The following SAMD5 variants were observed in gnomAD, a reference collection of about 807,000 sequenced individuals.
SAMD5 encodes sterile alpha motif domain containing 5.
A neutral mutation model predicts 11.3 loss-of-function variants in SAMD5; 13 were observed. That is an observed-to-expected ratio of 1.15 (90% CI 0.75 to 1.83). The LOEUF is 1.83. Ranked by LOEUF, SAMD5 falls within the 40% of genes most tolerant of loss-of-function variation. The pLI is 0.00. For synonymous variants in SAMD5, 129 were observed against 111.3 expected, an observed-to-expected ratio of 1.16 and a Z score of -1.00; for missense variants, 255 against 239.1, an observed-to-expected ratio of 1.07 and a Z score of -0.44.
chr6:147,699,430 G>T (rs1222394462), intron 1 of SAMD5, among the ~76,000 whole-genome samples: 1 of 152,146 alleles, frequency 6.6e-6, no homozygotes, highest in Admixed American at 6.6e-5. Flanking sequence ...TTTACAAGTT[G>T]TTTAAGAATT....
chr6:147,922,497 A>G, the SAMD5 span, among the ~76,000 whole-genome samples: 1,995 of 152,284 alleles, frequency 0.013, 40 homozygotes, highest in African/African-American at 0.045. Context: ...GCTAAAAATC[A>G]AAAAGAATAT....
intron 1 of SAMD5, among the ~76,000 whole-genome samples, chr6:147,530,321 G>T (rs1248528340): frequency 6.6e-6 from 1 of 152,248 alleles, no homozygotes; most frequent in Non-Finnish European, 1.5e-5. Context: ...GTGCACACAA[G>T]CACTGCCCAT....
At chr6:147,877,274 T>C in the SAMD5 span, among the ~76,000 whole-genome samples, 4 of 152,284 alleles carry the variant, frequency 2.6e-5, no homozygotes, top group South Asian at 6.2e-4. Flanking sequence ...TTAAGATCTA[T>C]GAAAACTTAA....
chr6:147,864,628 T>C, the SAMD5 span, among the ~76,000 whole-genome samples: 1 of 152,240 alleles, frequency 6.6e-6, no homozygotes, highest in East Asian at 1.9e-4. Flanking sequence ...AATCCTGTGA[T>C]AGACGAGAAC....
intron 1 of SAMD5, among the ~76,000 whole-genome samples, chr6:147,563,824 A>G (rs1052854784): frequency 3.9e-5 from 6 of 152,260 alleles, no homozygotes; most frequent in African/African-American, 1.2e-4. Context: ...ACGTGCAACT[A>G]TGGTTTTTAC....
the SAMD5 span, among the ~76,000 whole-genome samples, chr6:147,921,989 C>T: frequency 3.3e-5 from 5 of 152,128 alleles, no homozygotes; most frequent in South Asian, 4.1e-4. Context: ...CTGGAACACA[C>T]GATGGAAAAC....
chr6:147,687,181 T>A (rs1213351570), intron 1 of SAMD5, among the ~76,000 whole-genome samples: 1 of 152,020 alleles, frequency 6.6e-6, no homozygotes, highest in Non-Finnish European at 1.5e-5. Flanking sequence ...ACAATCAGTA[T>A]TCATTTAGAT....
At chr6:147,651,877 G>C (rs190755459) in intron 1 of SAMD5, among the ~76,000 whole-genome samples, 6 of 152,300 alleles carry the variant, frequency 3.9e-5, no homozygotes. Flanking sequence ...GGCAGCTGAA[G>C]ACCAGAGTGA....
chr6:147,902,813 T>C, the SAMD5 span, among the ~76,000 whole-genome samples: 1 of 152,204 alleles, frequency 6.6e-6, no homozygotes, highest in Non-Finnish European at 1.5e-5. Context: ...TAAAAAGCAA[T>C]TTCCTGCAGC....
chr6:147,902,609 T>C, the SAMD5 span, among the ~76,000 whole-genome samples: 1 of 152,236 alleles, frequency 6.6e-6, no homozygotes, highest in Non-Finnish European at 1.5e-5. Flanking sequence ...TAGTTACTTC[T>C]GCGATTAATG....
chr6:147,663,405 C>T (rs1171841802), intron 1 of SAMD5, among the ~76,000 whole-genome samples: 1 of 152,090 alleles, frequency 6.6e-6, no homozygotes, highest in Admixed American at 6.5e-5. Context: ...ATAATCTGTA[C>T]AACAAATCCC....
the SAMD5 span, among the ~76,000 whole-genome samples, chr6:147,897,715 C>T: frequency 3.3e-5 from 5 of 151,882 alleles, no homozygotes; most frequent in Admixed American, 6.6e-5. Flanking sequence ...GAAGCCAAGG[C>T]GGGTGGATCA....
the SAMD5 span, among the ~76,000 whole-genome samples, chr6:147,939,747 G>T: frequency 2.6e-5 from 4 of 152,036 alleles, no homozygotes; most frequent in Non-Finnish European, 5.9e-5. Context: ...CAACAAAGTG[G>T]TTCCCACCTT....
chr6:147,588,132 G>C (rs955527851), intron 1 of SAMD5, among the ~76,000 whole-genome samples: 1 of 151,758 alleles, frequency 6.6e-6, no homozygotes, highest in Non-Finnish European at 1.5e-5. Context: ...AAGGAACAAA[G>C]TCCAGGGTAC....
At chr6:147,904,896 T>C in the SAMD5 span, among the ~76,000 whole-genome samples, 1 of 152,036 alleles carries the variant, frequency 6.6e-6, no homozygotes. Flanking sequence ...TATGCCTTTT[T>C]TTTTTTTTTG....
chr6:147,674,736 T>C (rs1790840518), intron 1 of SAMD5, among the ~76,000 whole-genome samples: 2 of 152,200 alleles, frequency 1.3e-5, no homozygotes, highest in Non-Finnish European at 2.9e-5. Flanking sequence ...GTAGATAGCT[T>C]GTACTCTGTG....
rs1789029834 is a variant in SAMD5 at position 147,565,800 on chromosome 6, C to T, written c.*1344C>T. On this transcript the variant is annotated 3_prime_UTR_variant, in exon 2 of 2. Transcript: ENST00000367474. Reference sequence around the variant, plus strand: ...TTATTTTCTGCTTAGAAAACGCAACCATGTTGATGGGACCAAAAACTTAGT... The same window carrying T: ...TTATTTTCTGCTTAGAAAACGCAACTATGTTGATGGGACCAAAAACTTAGT... 1 of 985,310 alleles carries T rather than the reference C, an allele frequency of 1.0e-6. No individual in the cohort carries two copies. Among genetic ancestry groups the T allele is most frequent in the African/African-American group, 1.7e-5 (1 of 57,316 alleles). 61.0% of individuals were successfully genotyped at this position (985,310 alleles called of 1,614,324 possible). A position where few individuals can be genotyped will look rare whatever the true frequency, so the allele number is the denominator to read the frequency against.
chr6:147,796,156 A>C, the SAMD5 span, among the ~76,000 whole-genome samples: 1 of 150,254 alleles, frequency 6.7e-6, no homozygotes, highest in Non-Finnish European at 1.5e-5. Flanking sequence ...CTATGTCCTG[A>C]ATGGTAATGC....
At chr6:147,739,902 C>T (rs1176662308), downstream of SAMD5, among the ~76,000 whole-genome samples, 2 of 152,150 alleles carry the variant, frequency 1.3e-5, no homozygotes, top group African/African-American at 4.8e-5. Flanking sequence ...TCACTGCAAC[C>T]TCTGCCTCCC....
Sources: gnomAD v4.1 joint callset for allele counts (sites outside exome capture counted in the v4.1 genomes callset) on GRCh38, gnomAD v4.1.1 for gene constraint, MANE v1.5 for transcripts, NCBI Gene and HGNC (gene_info 2026-07-23, HGNC 2026-07-21) for gene names.